The following CAPN5 variants were observed in gnomAD, a reference collection of about 807,000 sequenced individuals.
CAPN5 encodes the protein calpain-5.
A neutral mutation model predicts 73.0 loss-of-function variants in CAPN5; 54 were observed. The ratio of observed to expected loss-of-function variants is 0.74; its 90% CI spans 0.59 to 0.93. The LOEUF (loss-of-function observed/expected upper bound fraction) is 0.93, where lower values mean the gene tolerates loss of function less well. Ranked by LOEUF, CAPN5 falls within the 40% of genes least tolerant of loss-of-function variation. CAPN5 has a pLI of 0.00. For missense variants in CAPN5, 785 were observed against 882.9 expected, an observed-to-expected ratio of 0.89 and a Z score of 1.41; for synonymous variants, 335 against 356.9, an observed-to-expected ratio of 0.94 and a Z score of 0.69.
intron 2 of CAPN5, among the ~76,000 whole-genome samples, chr11:77,085,773 C>T (rs1402777704): frequency 2.0e-5 from 3 of 152,074 alleles, no homozygotes; most frequent in African/African-American, 4.8e-5. Flanking sequence ...GGGAGGGGTT[C>T]GCTGCTTGTC....
chr11:77,093,612 A>ACGC, intron 2 of CAPN5, 70 bp from the exon 3 acceptor site: 1 of 1,437,154 alleles, frequency 7.0e-7, no homozygotes, highest in East Asian at 2.5e-5. Flanking sequence ...TGTGTCTGTC[A>ACGC]TGTCTCCTGC....
chr11:77,094,597 G>A (rs988939938), intron 3 of CAPN5, among the ~76,000 whole-genome samples: 3 of 152,210 alleles, frequency 2.0e-5, no homozygotes, highest in African/African-American at 7.2e-5. Flanking sequence ...GCTCATCCCT[G>A]CCCTTCTGCC....
At chr11:77,084,235 C>G (rs1950057808) in intron 1 of CAPN5, among the ~76,000 whole-genome samples, 1 of 113,552 alleles carries the variant, frequency 8.8e-6, no homozygotes, top group Admixed American at 8.8e-5. Context: ...GGGTGCTTGG[C>G]TGGGCCCACC....
At chr11:77,110,597 A>G (rs1555040627) in intron 3 of CAPN5, among the ~76,000 whole-genome samples, 1 of 152,202 alleles carries the variant, frequency 6.6e-6, no homozygotes, top group Non-Finnish European at 1.5e-5. Context: ...ACCTTCCGGT[A>G]GTATTGCCTC....
intron 1 of CAPN5, among the ~76,000 whole-genome samples, chr11:77,076,063 ACT>A (rs1555033874): frequency 1.3e-5 from 2 of 152,096 alleles, no homozygotes; most frequent in African/African-American, 2.4e-5. Context: ...TCCTGAGAAC[ACT>A]CAAAATCTAC....
chr11:77,070,702 G>A (rs1949895033), intron 1 of CAPN5, among the ~76,000 whole-genome samples: 1 of 152,164 alleles, frequency 6.6e-6, no homozygotes. Context: ...ACAGATTTAT[G>A]CTCTTACAGT....
intron 3 of CAPN5, among the ~76,000 whole-genome samples, chr11:77,100,199 CCT>C (rs1205901505): frequency 6.6e-6 from 1 of 152,168 alleles, no homozygotes; most frequent in Non-Finnish European, 1.5e-5. Context: ...TTGCTTTTCT[CCT>C]CTGTATTCAT....
At chr11:77,090,710 C>T (rs1950139713) in intron 2 of CAPN5, among the ~76,000 whole-genome samples, 1 of 152,220 alleles carries the variant, frequency 6.6e-6, no homozygotes, top group Admixed American at 6.5e-5. Flanking sequence ...GTTTCTCTTT[C>T]CATGGCATGA....
chr11:77,073,912 G>A (rs571063372), intron 1 of CAPN5, among the ~76,000 whole-genome samples: 2 of 152,250 alleles, frequency 1.3e-5, no homozygotes, highest in African/African-American at 2.4e-5. Flanking sequence ...AGCCTGAGGT[G>A]GCTCTGAGCC....
At chr11:77,100,524 G>A (rs1950273568) in intron 3 of CAPN5, among the ~76,000 whole-genome samples, 1 of 152,146 alleles carries the variant, frequency 6.6e-6, no homozygotes, top group African/African-American at 2.4e-5. Context: ...CAGGGGTCTT[G>A]TGCCCCTAAA....
intron 3 of CAPN5, among the ~76,000 whole-genome samples, chr11:77,110,090 G>A (rs1555040533): frequency 6.6e-6 from 1 of 151,682 alleles, no homozygotes; most frequent in Non-Finnish European, 1.5e-5. Context: ...AGTGGGAATG[G>A]TAACCCTCAC....
intron 3 of CAPN5, among the ~76,000 whole-genome samples, chr11:77,098,154 T>C (rs1950234066): frequency 1.6e-5 from 1 of 63,576 alleles, no homozygotes; most frequent in African/African-American, 1.1e-4. Context: ...GAGGGGCTCC[T>C]CACTTCCCAG....
chr11:77,101,727 G>A (rs530308916), intron 3 of CAPN5, among the ~76,000 whole-genome samples: 1 of 152,142 alleles, frequency 6.6e-6, no homozygotes, highest in Non-Finnish European at 1.5e-5. Context: ...GGCGTGTTGT[G>A]GCGACGGCCG....
At chr11:77,094,400 C>T (rs1025491527) in intron 3 of CAPN5, among the ~76,000 whole-genome samples, 1 of 152,162 alleles carries the variant, frequency 6.6e-6, no homozygotes, top group African/African-American at 2.4e-5. Context: ...TGTTCTGGAC[C>T]AGGGCCAAAG....
chr11:77,067,733 C>T (rs1169204545), intron 1 of CAPN5, among the ~76,000 whole-genome samples: 1 of 149,828 alleles, frequency 6.7e-6, no homozygotes, highest in South Asian at 2.1e-4. Context: ...CCTCAGAGTT[C>T]CCACCTCTGT....
chr11:77,088,307 T>C (rs1950111821), intron 2 of CAPN5, among the ~76,000 whole-genome samples: 1 of 152,146 alleles, frequency 6.6e-6, no homozygotes, highest in Non-Finnish European at 1.5e-5. Context: ...TTCCTGGAGA[T>C]GGCCCTACTC....
At chr11:77,089,809 G>A (rs1950130396) in intron 2 of CAPN5, among the ~76,000 whole-genome samples, 1 of 152,192 alleles carries the variant, frequency 6.6e-6, no homozygotes, top group African/African-American at 2.4e-5. Flanking sequence ...AGGAGGCGAA[G>A]GTTGCAGTGA....
intron 9 of CAPN5, chr11:77,119,413 T>C: frequency 2.1e-6 from 1 of 479,354 alleles, no homozygotes; most frequent in Non-Finnish European, 3.8e-6. Flanking sequence ...GGATGTTTGG[T>C]GGATGAGGAA....
intron 6 of CAPN5, 65 bp downstream of exon 6, chr11:77,115,653 C>A: frequency 7.2e-7 from 1 of 1,389,218 alleles, no homozygotes; most frequent in Non-Finnish European, 1.0e-6. Context: ...GGGTGGGCTT[C>A]TTGGAGGAGT....
Sources: gnomAD v4.1 joint callset for allele counts (sites outside exome capture counted in the v4.1 genomes callset) on GRCh38, gnomAD v4.1.1 for gene constraint, MANE v1.5 for transcripts, NCBI Gene and HGNC (gene_info 2026-07-23, HGNC 2026-07-21) for gene names.